Variants in TPD52L1 observed in about 807,000 individuals in gnomAD.
TPD52L1 encodes the protein TPD52 like 1, also known as tumor protein D53.
A neutral mutation model predicts 28.7 loss-of-function variants in TPD52L1; 18 were observed. That is an observed-to-expected ratio of 0.63 (90% CI 0.43 to 0.93). TPD52L1 has a LOEUF of 0.93. Ranked by LOEUF, TPD52L1 falls within the 40% of genes least tolerant of loss-of-function variation. The pLI is 0.00. For missense variants in TPD52L1, 203 were observed against 254.8 expected (o/e 0.80, Z 1.39); for synonymous variants, 75 against 88.8 (o/e 0.84, Z 0.88).
chr6:125,196,289 GT>G (rs1370309934), intron 1 of TPD52L1, among the ~76,000 whole-genome samples: 3 of 151,992 alleles, frequency 2.0e-5, no homozygotes, highest in Non-Finnish European at 2.9e-5. Flanking sequence ...CTTAAGCCTT[GT>G]GACTGCCACA....
intron 1 of TPD52L1, among the ~76,000 whole-genome samples, chr6:125,202,781 T>TTTTTTTTG (rs1793876643): frequency 6.7e-6 from 1 of 149,858 alleles, no homozygotes; most frequent in Non-Finnish European, 1.5e-5. Flanking sequence ...TTTTTTTTTT[T>TTTTTTTTG]TGAGACGGAG....
chr6:125,191,131 T>C (rs991372543), intron 1 of TPD52L1, among the ~76,000 whole-genome samples: 2 of 152,244 alleles, frequency 1.3e-5, no homozygotes, highest in African/African-American at 4.8e-5. Flanking sequence ...AACATTTCTC[T>C]CTTACATGGA....
chr6:125,176,021 C>T (rs929283131), intron 1 of TPD52L1, among the ~76,000 whole-genome samples: 3 of 152,108 alleles, frequency 2.0e-5, no homozygotes, highest in African/African-American at 7.2e-5. Context: ...ACAATGTAGC[C>T]GAATCCCATG....
At chr6:125,257,056 G>C (rs757063585) in intron 5 of TPD52L1, 42 bp from the exon 6 acceptor site, 1 of 1,567,922 alleles carries the variant, frequency 6.4e-7, no homozygotes, top group East Asian at 2.3e-5. Flanking sequence ...TGCTAAGACA[G>C]CTAGGCCTTT....
chr6:125,240,410 A>C (rs550844817), intron 3 of TPD52L1, among the ~76,000 whole-genome samples: 1 of 152,104 alleles, frequency 6.6e-6, no homozygotes, highest in Non-Finnish European at 1.5e-5. Context: ...GTAGATTGCT[A>C]TTGGCAGTAT....
intron 3 of TPD52L1, among the ~76,000 whole-genome samples, chr6:125,241,965 A>G (rs1354272231): frequency 6.6e-6 from 1 of 151,844 alleles, no homozygotes; most frequent in Non-Finnish European, 1.5e-5. Flanking sequence ...ATTTAATGCT[A>G]TGAAATTTCC....
intron 2 of TPD52L1, among the ~76,000 whole-genome samples, chr6:125,228,013 A>G (rs1795716382): frequency 6.6e-6 from 1 of 152,228 alleles, no homozygotes; most frequent in African/African-American, 2.4e-5. Context: ...TATTCATTCA[A>G]TAGAATACTA....
At chr6:125,176,644 G>A (rs559603767) in intron 1 of TPD52L1, among the ~76,000 whole-genome samples, 2 of 152,276 alleles carry the variant, frequency 1.3e-5, no homozygotes, top group African/African-American at 2.4e-5. Context: ...ATTTAAGAGC[G>A]TATCCTTTCT....
At position 125,188,586 on chromosome 6, in the gene TPD52L1, A is replaced by G. The variant is rs190904482; in HGVS notation, c.20-31492A>G. ...TGTGTGTGCATATAAAATAATGAAC[A>G]AAATTTTATGAAATGTTACTTGTTC... On this transcript the variant is annotated intron_variant, in intron 1 of 6. Transcript: ENST00000534000. Among the ~76,000 whole-genome samples, 176 of 152,344 alleles carry G rather than the reference A, an allele frequency of 1.2e-3. 1 individual carries two copies. The highest frequency in any genetic ancestry group is 6.3e-3 in the Admixed American group (96 of 15,302).
At chr6:125,186,121 T>C (rs995290820) in intron 1 of TPD52L1, among the ~76,000 whole-genome samples, 6 of 152,094 alleles carry the variant, frequency 3.9e-5, no homozygotes, top group Non-Finnish European at 7.4e-5. Context: ...CTCGAACTCC[T>C]GATCCACCTG....
At position 125,262,898 on chromosome 6, in the gene TPD52L1, A is replaced by G; in HGVS notation, c.551A>G (p.His184Arg). 6.2e-7 allele frequency: 1 copy of G among 1,614,246 alleles called. No homozygotes were observed. The highest frequency in any genetic ancestry group is 8.5e-7 in the Non-Finnish European group (1 of 1,180,022). ...SFEEVLSSTA[H>R]ASAQSLAGGS... is the part of the protein sequence containing the mutation. Reference sequence around the variant, plus strand: ...GAGGAGGTCCTCAGCTCCACGGCCCATGCCAGTGCCCAGAGCTTGGCAGGA... The same window carrying G: ...GAGGAGGTCCTCAGCTCCACGGCCCGTGCCAGTGCCCAGAGCTTGGCAGGA... The change falls in exon 7 of 7, where the codon CAT becomes CGT. Residue 184 changes from histidine (H) to arginine (R), a missense_variant. Coordinates refer to ENST00000534000, the MANE Select transcript of TPD52L1 (RefSeq NM_003287.4).
At chr6:125,225,053 A>G (rs890660613) in intron 2 of TPD52L1, among the ~76,000 whole-genome samples, 1 of 152,066 alleles carries the variant, frequency 6.6e-6, no homozygotes, top group African/African-American at 2.4e-5. Flanking sequence ...TTCTATCTCT[A>G]TGGGCTTACC....
chr6:125,176,168 G>C (rs1471621143), intron 1 of TPD52L1, among the ~76,000 whole-genome samples: 1 of 152,002 alleles, frequency 6.6e-6, no homozygotes, highest in African/African-American at 2.4e-5. Flanking sequence ...CTCATTTATA[G>C]AAATAAAAAT....
At chr6:125,248,623 G>GT (rs1425318737) in intron 4 of TPD52L1, 2 of 469,586 alleles carry the variant, frequency 4.3e-6, no homozygotes, top group African/African-American at 3.9e-5. Context: ...ACCCGACCTG[G>GT]TAAAAATAGA....
intron 3 of TPD52L1, among the ~76,000 whole-genome samples, chr6:125,244,523 T>C (rs1329153099): frequency 2.0e-5 from 3 of 152,212 alleles, no homozygotes; most frequent in African/African-American, 4.8e-5. Flanking sequence ...GCTATTCGGA[T>C]AAGACAGGCA....
At chr6:125,202,566 AAGG>A (rs1176069797) in intron 1 of TPD52L1, among the ~76,000 whole-genome samples, 1 of 151,714 alleles carries the variant, frequency 6.6e-6, no homozygotes, top group East Asian at 1.9e-4. Context: ...GTGTGAGAAG[AAGG>A]AGGATGAGGA....
intron 1 of TPD52L1, among the ~76,000 whole-genome samples, chr6:125,202,633 T>A (rs2114903033): frequency 6.6e-6 from 1 of 152,270 alleles, no homozygotes; most frequent in East Asian, 1.9e-4. Flanking sequence ...ATGAGTGACT[T>A]TTTATTAATG....
chr6:125,232,082 C>T (rs1397923493), intron 3 of TPD52L1, among the ~76,000 whole-genome samples: 1 of 152,140 alleles, frequency 6.6e-6, no homozygotes, highest in Non-Finnish European at 1.5e-5. Context: ...GAGAGGACAA[C>T]TCAGTGTAAA....
intron 1 of TPD52L1, among the ~76,000 whole-genome samples, chr6:125,156,529 G>A (rs1790149146): frequency 6.6e-6 from 1 of 151,356 alleles, no homozygotes; most frequent in African/African-American, 2.4e-5. Flanking sequence ...CAGCACTTTG[G>A]GAGGCTGGAG....
Sources: gnomAD v4.1 joint callset for allele counts (sites outside exome capture counted in the v4.1 genomes callset) on GRCh38, gnomAD v4.1.1 for gene constraint, MANE v1.5 for transcripts, NCBI Gene and HGNC (gene_info 2026-07-23, HGNC 2026-07-21) for gene names.